Variants in CASD1 observed in about 807,000 individuals in gnomAD.
CASD1 encodes the protein CAS1 domain sialic acid O acetyltransferase 1, also known as N-acetylneuraminate (7)9-O-acetyltransferase.
Under a neutral mutation model 100.0 loss-of-function variants are expected in CASD1, and 41 were observed. That is an observed-to-expected ratio of 0.41 (90% CI 0.32 to 0.53). The LOEUF (loss-of-function observed/expected upper bound fraction) is 0.53, where lower values mean the gene tolerates loss of function less well. CASD1 is among the 20% of genes least tolerant of loss of function. The pLI, the probability that CASD1 is intolerant of heterozygous loss-of-function variation, is 0.25. For missense variants in CASD1, 774 were observed against 948.7 expected (o/e 0.82, Z 2.42); for synonymous variants, 321 against 315.6 (o/e 1.02, Z -0.18).
the CASD1 span, chr7:94,624,428 T>C: frequency 5.2e-6 from 2 of 387,806 alleles, no homozygotes. Flanking sequence ...CTTTTAACAA[T>C]GTTTAAAAGG....
At chr7:94,601,021 G>A in the CASD1 span, among the ~76,000 whole-genome samples, 1 of 152,110 alleles carries the variant, frequency 6.6e-6, no homozygotes, top group Admixed American at 6.6e-5. Flanking sequence ...TGGAGGTAGG[G>A]AATGTAACAA....
intron 16 of CASD1, chr7:94,554,060 C>T (rs115817619): frequency 0.012 from 1,771 of 153,742 alleles, 35 homozygotes; most frequent in African/African-American, 0.041. Context: ...TGGCTGTCAG[C>T]GGAAGGAGGA....
At chr7:94,584,576 T>A in the CASD1 span, among the ~76,000 whole-genome samples, 1 of 152,186 alleles carries the variant, frequency 6.6e-6, no homozygotes, top group African/African-American at 2.4e-5. Flanking sequence ...GATTTTGGAA[T>A]TTTTGTGACC....
At chr7:94,602,431 G>A in the CASD1 span, among the ~76,000 whole-genome samples, 2 of 152,070 alleles carry the variant, frequency 1.3e-5, no homozygotes, top group African/African-American at 4.8e-5. Flanking sequence ...AAGACATGAA[G>A]TGATAATTGT....
chr7:94,538,912 G>A (rs574451999), intron 9 of CASD1, 55 bp from the exon 10 acceptor site: 48 of 945,112 alleles, frequency 5.1e-5, no homozygotes, highest in Middle Eastern at 5.6e-4. Context: ...ATTATATGCC[G>A]TTAAATAATT....
the CASD1 span, chr7:94,590,868 A>G: frequency 1.3e-5 from 2 of 152,228 alleles, no homozygotes; most frequent in Admixed American, 6.5e-5. Flanking sequence ...TTCCAAATAC[A>G]ACAATCTAAA....
rs1358618083 is a variant in CASD1, at chr7:94,509,941, G to C, written c.-144G>C. 1 of 1,183,648 alleles carries C rather than the reference G, an allele frequency of 8.4e-7. No individual in the cohort carries two copies. The highest frequency in any genetic ancestry group is 1.1e-6 in the Non-Finnish European group (1 of 950,166). The allele number at this position is 1,183,648 out of a possible 1,614,324, so 73.3% of individuals were successfully genotyped here. A position where few individuals can be genotyped will look rare whatever the true frequency, so the allele number is the denominator to read the frequency against. On this transcript the variant is annotated 5_prime_UTR_variant, in exon 1 of 18. Coordinates refer to ENST00000297273, the MANE Select transcript of CASD1 (RefSeq NM_022900.5). ...CGGGGGCGCCGCGGCCGCGGGGTCA[G>C]GTTCCCCGGCGGGAGGCGCAGGTGG...
At chr7:94,579,923 CA>C in the CASD1 span, among the ~76,000 whole-genome samples, 1 of 152,188 alleles carries the variant, frequency 6.6e-6, no homozygotes, top group Non-Finnish European at 1.5e-5. Flanking sequence ...TTGTCTATCA[CA>C]ATGGATATTG....
the CASD1 span, among the ~76,000 whole-genome samples, chr7:94,576,275 T>C: frequency 1.7e-4 from 26 of 152,308 alleles, no homozygotes; most frequent in East Asian, 4.8e-3. Context: ...GTTAAATCTT[T>C]GGGCAGGAGG....
downstream of CASD1, among the ~76,000 whole-genome samples, chr7:94,559,095 T>C (rs1796295094): frequency 6.6e-6 from 1 of 152,144 alleles, no homozygotes; most frequent in South Asian, 2.1e-4. Context: ...CCACTGTGCC[T>C]GGCCTGATTT....
chr7:94,626,937 A>G, the CASD1 span: 12 of 152,050 alleles, frequency 7.9e-5, no homozygotes, highest in Admixed American at 6.6e-4. Context: ...TTCCATAACT[A>G]TCATGACAAT....
At chr7:94,518,460 G>C in intron 3 of CASD1, 137 bp downstream of exon 3, 1 of 658,830 alleles carries the variant, frequency 1.5e-6, no homozygotes, top group East Asian at 3.2e-5. Flanking sequence ...TGGGGAAAAA[G>C]AGGGATGAAT....
chr7:94,517,929 A>G (rs1177948397), intron 2 of CASD1, among the ~76,000 whole-genome samples: 1 of 152,220 alleles, frequency 6.6e-6, no homozygotes, highest in Non-Finnish European at 1.5e-5. Flanking sequence ...TACCTATCTT[A>G]TGGAGTTATT....
chr7:94,595,110 T>G, the CASD1 span, among the ~76,000 whole-genome samples: 1 of 152,174 alleles, frequency 6.6e-6, no homozygotes, highest in Non-Finnish European at 1.5e-5. Context: ...TATCAGTGTC[T>G]CAAATTTATC....
chr7:94,596,901 T>C, the CASD1 span, among the ~76,000 whole-genome samples: 3 of 152,148 alleles, frequency 2.0e-5, no homozygotes, highest in Non-Finnish European at 4.4e-5. Flanking sequence ...AATAATAACC[T>C]TAAAGAATAA....
chr7:94,606,851 T>G, the CASD1 span, among the ~76,000 whole-genome samples: 1 of 152,166 alleles, frequency 6.6e-6, no homozygotes, highest in Non-Finnish European at 1.5e-5. Flanking sequence ...AGCAACAGAC[T>G]TCAAAAATTG....
In CASD1 at chr7:94,556,239, TTTC is replaced by T. The variant is rs1796200718; in HGVS notation, c.*484_*486del. On this transcript the variant is annotated 3_prime_UTR_variant, in exon 18 of 18. Coordinates refer to ENST00000297273, the MANE Select transcript of CASD1 (RefSeq NM_022900.5). ...TACTCAAGAATGACGGCAGTATTGT[TTTC>T]TTATATGTGCAATGAAGTGGAATGA... 1 of 154,556 alleles carries T rather than the reference TTTC, an allele frequency of 6.5e-6. No homozygotes were observed. 9.6% of individuals were successfully genotyped at this position (154,556 alleles called of 1,614,324 possible). A position where few individuals can be genotyped will look rare whatever the true frequency, so the allele number is the denominator to read the frequency against.
chr7:94,604,372 C>G, the CASD1 span, among the ~76,000 whole-genome samples: 2 of 151,580 alleles, frequency 1.3e-5, no homozygotes, highest in Non-Finnish European at 2.9e-5. Flanking sequence ...ACTAACTGAT[C>G]CTAAAATTCC....
intron 9 of CASD1, 27 bp from the exon 10 acceptor site, chr7:94,538,939 TA>T: frequency 8.1e-7 from 1 of 1,228,472 alleles, no homozygotes; most frequent in Non-Finnish European, 1.2e-6. Context: ...TGATAAATTT[TA>T]AAACAGATTT....
Sources: gnomAD v4.1 joint callset for allele counts (sites outside exome capture counted in the v4.1 genomes callset) on GRCh38, gnomAD v4.1.1 for gene constraint, MANE v1.5 for transcripts, NCBI Gene and HGNC (gene_info 2026-07-23, HGNC 2026-07-21) for gene names.